MKLN1: variants seen among roughly 807,000 people sequenced by gnomAD.
MKLN1 encodes muskelin.
In MKLN1, 18 loss-of-function variants were observed where a neutral mutation model predicts 99.0. The ratio of observed to expected loss-of-function variants is 0.18; its 90% CI spans 0.13 to 0.27. The LOEUF (loss-of-function observed/expected upper bound fraction) is 0.27. Among genes scored for constraint, MKLN1 ranks in the 10% least tolerant of loss-of-function variants. The pLI, the probability that MKLN1 is intolerant of heterozygous loss-of-function variation, is 1.00. For missense variants in MKLN1, 621 were observed against 875.9 expected, an observed-to-expected ratio of 0.71 and a Z score of 3.67; for synonymous variants, 288 against 293.2, an observed-to-expected ratio of 0.98 and a Z score of 0.18.
At chr7:131,240,416 A>T (rs1797385194) in intron 3 of MKLN1, among the ~76,000 whole-genome samples, 1 of 152,212 alleles carries the variant, frequency 6.6e-6, no homozygotes, top group Non-Finnish European at 1.5e-5. Flanking sequence ...AAGGATATAA[A>T]TGAAAAATCA....
At chr7:131,460,178 C>T (rs905267634) in intron 12 of MKLN1, among the ~76,000 whole-genome samples, 2 of 151,660 alleles carry the variant, frequency 1.3e-5, no homozygotes, top group African/African-American at 4.8e-5. Context: ...GGTTTTTTTT[C>T]CCCCAAGTTA....
rs892255380 is a variant in MKLN1, at chr7:131,411,779, T to A, written c.781+396T>A. ...AAAATTAGCTGGGCGTGATGGTGTG[T>A]GCCTGTAATCCCAGCTACTCGGGAG... On this transcript the variant is annotated intron_variant, in intron 7 of 17. Transcript: ENST00000352689. 5.3e-5 allele frequency among the ~76,000 whole-genome samples: 8 copies of A among 151,694 alleles called. No homozygotes were observed. In the East Asian group the frequency reaches 1.5e-3, roughly 29 times the overall value.
At chr7:131,409,844 T>G (rs1794820736) in intron 6 of MKLN1, among the ~76,000 whole-genome samples, 1 of 152,206 alleles carries the variant, frequency 6.6e-6, no homozygotes, top group Non-Finnish European at 1.5e-5. Context: ...GTTGGTTGAT[T>G]CAGTGATCAT....
intron 2 of MKLN1, among the ~76,000 whole-genome samples, chr7:131,185,971 T>C (rs752664857): frequency 6.6e-5 from 10 of 151,832 alleles, no homozygotes; most frequent in Non-Finnish European, 1.0e-4. Context: ...GGTGGGCAGA[T>C]CATGAGGTCA....
At chr7:131,264,325 A>G (rs1443466196) in intron 3 of MKLN1, among the ~76,000 whole-genome samples, 3 of 152,228 alleles carry the variant, frequency 2.0e-5, no homozygotes, top group Non-Finnish European at 4.4e-5. Flanking sequence ...AAGAGCATCT[A>G]TTTCAGATGC....
At chr7:131,125,481 C>G (rs1795439311) in intron 1 of MKLN1, among the ~76,000 whole-genome samples, 1 of 152,080 alleles carries the variant, frequency 6.6e-6, no homozygotes, top group Admixed American at 6.6e-5. Flanking sequence ...CTCCCTCTGG[C>G]CAGGAACTAG....
At chr7:131,328,179 T>C in intron 1 of MKLN1, 182 bp downstream of exon 1, 1 of 758,132 alleles carries the variant, frequency 1.3e-6, no homozygotes, top group South Asian at 1.9e-5. Context: ...CGGGAAGGGG[T>C]TAGGGTCCGG....
rs57399724 is a variant in MKLN1 at position 131,439,865 on chromosome 7, AACAC to A, written c.1173+1918_1173+1921del. On this transcript the variant is annotated intron_variant, in intron 10 of 17. Transcript: ENST00000352689. ...AATGGTAATCAAGCAAAAAGATTTAAACACACACACACACACACACACACACACA... is the reference window on the plus strand; with the variant it reads ...AATGGTAATCAAGCAAAAAGATTTAAACACACACACACACACACACACACA... Among the ~76,000 whole-genome samples, 646 of 146,272 alleles carry A rather than the reference AACAC, an allele frequency of 4.4e-3. 3 individuals are homozygous for A. The highest frequency in any genetic ancestry group is 0.014 in the African/African-American group (557 of 39,502).
In MKLN1 at chr7:131,466,324, A is replaced by T; in HGVS notation, c.1837A>T (p.Met613Leu). Residue 613 changes from methionine to leucine, a missense_variant, in exon 15 of 18, where the codon ATG (methionine) becomes TTG (leucine). By Grantham distance (15) the Met-to-Leu change is conservative (BLOSUM62 2). Transcript: ENST00000352689. ...TCCAGGAAAATCTTGCTCTCCAAAGATGAGATTAGATGACTTCTGGTCACT... is the reference window on the plus strand; with the variant it reads ...TCCAGGAAAATCTTGCTCTCCAAAGTTGAGATTAGATGACTTCTGGTCACT... Reference protein sequence around the residue: ...GNPGKSCSPKMRLDDFWSLKL... With the variant: ...GNPGKSCSPKLRLDDFWSLKL... The T allele has an allele frequency of 1.2e-6, 2 of 1,607,702 alleles. No individual in the cohort carries two copies. The highest frequency in any genetic ancestry group is 1.7e-6 in the Non-Finnish European group (2 of 1,175,696).
intron 2 of MKLN1, among the ~76,000 whole-genome samples, chr7:131,144,100 T>G (rs1000239387): frequency 1.3e-5 from 2 of 152,246 alleles, no homozygotes; most frequent in Non-Finnish European, 2.9e-5. Context: ...GCAATTTTTT[T>G]GTTCAGCACT....
At chr7:131,212,855 G>A (rs547062325) in intron 3 of MKLN1, among the ~76,000 whole-genome samples, 3 of 151,932 alleles carry the variant, frequency 2.0e-5, no homozygotes, top group South Asian at 4.2e-4. Context: ...CCCGGGAGGC[G>A]GAGGTTGCGG....
chr7:131,455,344 G>T lies in MKLN1; in HGVS notation c.1526-7873G>T, dbSNP rs141900482. 4.6e-3 allele frequency among the ~76,000 whole-genome samples: 697 copies of T among 152,216 alleles called. 1 individual carries two copies. The highest frequency in any genetic ancestry group is 7.1e-3 in the Admixed American group (109 of 15,298). ...TAGAGGATAAACCAAGGAAGGAAGAGAAAAGATGTGATTCAGACATATAGA... is the reference window on the plus strand; with the variant it reads ...TAGAGGATAAACCAAGGAAGGAAGATAAAAGATGTGATTCAGACATATAGA... On this transcript the variant is annotated intron_variant, in intron 12 of 17. Transcript: ENST00000352689.
At chr7:131,411,733 C>T (rs980805301) in intron 7 of MKLN1, among the ~76,000 whole-genome samples, 1 of 151,668 alleles carries the variant, frequency 6.6e-6, no homozygotes, top group Non-Finnish European at 1.5e-5. Context: ...ATGGCAAAAC[C>T]CTGTCTCTAC....
At chr7:131,473,375 T>C (rs1160053548) in intron 16 of MKLN1, among the ~76,000 whole-genome samples, 2 of 152,198 alleles carry the variant, frequency 1.3e-5, no homozygotes, top group African/African-American at 4.8e-5. Context: ...ATTTTTTTTT[T>C]CACAGTTGTT....
intron 10 of MKLN1, among the ~76,000 whole-genome samples, chr7:131,438,305 A>C (rs1240998718): frequency 6.6e-6 from 1 of 152,008 alleles, no homozygotes; most frequent in Admixed American, 6.6e-5. Context: ...TAAATCAACA[A>C]TAACAACTTA....
intron 3 of MKLN1, among the ~76,000 whole-genome samples, chr7:131,246,207 T>C (rs924723819): frequency 1.3e-5 from 2 of 152,220 alleles, no homozygotes; most frequent in African/African-American, 4.8e-5. Context: ...TCCAGGGCCA[T>C]AGGCTCCATG....
chr7:131,316,574 C>T (rs975252668), intron 3 of MKLN1, among the ~76,000 whole-genome samples: 2 of 152,134 alleles, frequency 1.3e-5, no homozygotes, highest in African/African-American at 4.8e-5. Context: ...AACTCCTCTC[C>T]AGCAAGGACA....
intron 9 of MKLN1, among the ~76,000 whole-genome samples, chr7:131,431,446 C>T (rs1443995469): frequency 6.6e-6 from 1 of 152,058 alleles, no homozygotes. Context: ...TTGGTTTGGC[C>T]GGGCTCATTC....
At chr7:131,483,347 G>C (rs1797178283) in intron 17 of MKLN1, among the ~76,000 whole-genome samples, 1 of 152,042 alleles carries the variant, frequency 6.6e-6, no homozygotes, top group Non-Finnish European at 1.5e-5. Flanking sequence ...TCACTTATAC[G>C]TAATACATCT....
Sources: allele counts gnomAD v4.1 joint callset (sites outside exome capture counted in the v4.1 genomes callset), GRCh38; gene constraint gnomAD v4.1.1; transcripts MANE v1.5; gene names NCBI Gene and HGNC (gene_info 2026-07-23, HGNC 2026-07-21).